The following CORO1C variants were observed in gnomAD, a reference collection of about 807,000 sequenced individuals.
The protein encoded by CORO1C is coronin 1C, also known as coronin-1C.
In CORO1C, 14 loss-of-function variants were observed where a neutral mutation model predicts 51.2. The observed-to-expected ratio is 0.27, with a 90% CI of 0.18 to 0.43. The LOEUF is 0.43. Among genes scored for constraint, CORO1C ranks in the 20% least tolerant of loss-of-function variants. The pLI is 1.00. For synonymous variants in CORO1C, 181 were observed against 210.5 expected (o/e 0.86, Z 1.21); for missense variants, 417 against 607.8 (o/e 0.69, Z 3.30).
chr12:108,713,363 G>A (rs1456132766), intron 1 of CORO1C, among the ~76,000 whole-genome samples: 4 of 152,118 alleles, frequency 2.6e-5, no homozygotes, highest in Non-Finnish European at 5.9e-5. Context: ...ATAACACCAG[G>A]AATGGTAAAA....
chr12:108,686,918 AG>A (rs576574007), intron 2 of CORO1C, among the ~76,000 whole-genome samples: 62 of 152,344 alleles, frequency 4.1e-4, no homozygotes, highest in African/African-American at 1.5e-3. Context: ...CACAAGGGAG[AG>A]GTGTAATGGC....
chr12:108,666,887 A>C (rs1302930131), intron 3 of CORO1C, among the ~76,000 whole-genome samples: 1 of 152,146 alleles, frequency 6.6e-6, no homozygotes. Flanking sequence ...GGAGAAGAGC[A>C]TGGGGCTTTC....
intron 6 of CORO1C, among the ~76,000 whole-genome samples, chr12:108,656,334 G>A (rs1461047649): frequency 1.3e-4 from 6 of 45,202 alleles, no homozygotes; most frequent in African/African-American, 3.8e-4. Context: ...CGGGAGGGAG[G>A]TGGGGGGTCA....
At chr12:108,653,446 T>A (rs1015700340) in intron 7 of CORO1C, among the ~76,000 whole-genome samples, 1 of 152,194 alleles carries the variant, frequency 6.6e-6, no homozygotes, top group Admixed American at 6.5e-5. Flanking sequence ...CAATCAGCTA[T>A]GAAAAGCAAA....
At chr12:108,652,975 AT>A (rs2032751112) in intron 7 of CORO1C, 1 of 152,996 alleles carries the variant, frequency 6.5e-6, no homozygotes, top group Non-Finnish European at 1.5e-5. Flanking sequence ...ATAGTCAGAT[AT>A]CTTTGAGTAC....
At chr12:108,671,198 T>C (rs957272533) in intron 3 of CORO1C, among the ~76,000 whole-genome samples, 2 of 151,764 alleles carry the variant, frequency 1.3e-5, no homozygotes, top group African/African-American at 4.8e-5. Flanking sequence ...TAGCTGGGCA[T>C]GGTGGTGAGT....
chr12:108,702,441 T>C (rs1043045874), intron 1 of CORO1C, among the ~76,000 whole-genome samples: 19 of 152,332 alleles, frequency 1.2e-4, no homozygotes, highest in African/African-American at 3.1e-4. Flanking sequence ...CTAAATCATC[T>C]GATAGACACT....
chr12:108,719,264 C>T (rs1378340714), intron 1 of CORO1C, among the ~76,000 whole-genome samples: 1 of 152,148 alleles, frequency 6.6e-6, no homozygotes, highest in East Asian at 1.9e-4. Context: ...GGCTTCCTAT[C>T]CCTAATACTT....
chr12:108,711,691 A>C (rs1451916337), intron 1 of CORO1C, among the ~76,000 whole-genome samples: 1 of 152,062 alleles, frequency 6.6e-6, no homozygotes, highest in East Asian at 1.9e-4. Context: ...AAAAAAAAAA[A>C]AAAAACTTAT....
chr12:108,693,327 T>C (rs115373766), intron 2 of CORO1C, among the ~76,000 whole-genome samples: 345 of 152,290 alleles, frequency 2.3e-3, no homozygotes, highest in African/African-American at 7.9e-3. Context: ...GAGACACTGT[T>C]CATGAAGGGG....
At chr12:108,720,759 G>A (rs551706578) in intron 1 of CORO1C, among the ~76,000 whole-genome samples, 3 of 151,998 alleles carry the variant, frequency 2.0e-5, no homozygotes, top group South Asian at 4.1e-4. Flanking sequence ...TCCTGACCTC[G>A]TGATCCACCC....
chr12:108,652,176 G>A, intron 8 of CORO1C, 96 bp downstream of exon 8: 2 of 1,156,322 alleles, frequency 1.7e-6, no homozygotes, highest in Non-Finnish European at 2.5e-6. Context: ...AGAATGGTCA[G>A]ATATTTTTGA....
chr12:108,696,001 C>T (rs2034667209), intron 2 of CORO1C, among the ~76,000 whole-genome samples: 1 of 152,008 alleles, frequency 6.6e-6, no homozygotes. Flanking sequence ...TTCCCACACA[C>T]AGCTCCTAAA....
chr12:108,654,981 C>G (rs1302793837), intron 6 of CORO1C, among the ~76,000 whole-genome samples: 1 of 152,188 alleles, frequency 6.6e-6, no homozygotes, highest in Non-Finnish European at 1.5e-5. Flanking sequence ...GCTGGGATTA[C>G]AGGAATGGCC....
rs1031948867 is a variant in CORO1C, at chr12:108,706,267, A to T, written c.-5-4944T>A. On this transcript the variant is annotated intron_variant, in intron 1 of 10. Transcript: ENST00000261401. ...ATGATAAAACACTCAAGAAACTAGG[A>T]ATAGAAGGGAATTTCCTCAACCTGA... 6.6e-5 allele frequency among the ~76,000 whole-genome samples: 10 copies of T among 152,226 alleles called. No individual in the cohort carries two copies. In the South Asian group the frequency reaches 2.1e-3, roughly 32 times the overall value.
At chr12:108,703,632 A>C (rs1333294273) in intron 1 of CORO1C, among the ~76,000 whole-genome samples, 1 of 152,220 alleles carries the variant, frequency 6.6e-6, no homozygotes, top group Non-Finnish European at 1.5e-5. Context: ...TGTGTCTCCA[A>C]AGACAGGGAT....
chr12:108,706,816 G>A lies in CORO1C; in HGVS notation c.-5-5493C>T, dbSNP rs560607984. On this transcript the variant is annotated intron_variant, in intron 1 of 10. Transcript: ENST00000261401. ...TCAGACTGGTCTCGAACTCTTGACC[G>A]CAGGTGATCCTCCTGTCTTGGCCTC... Among the ~76,000 whole-genome samples, 149 of 152,142 alleles carry A rather than the reference G, an allele frequency of 9.8e-4. 1 individual carries two copies. The highest frequency in any genetic ancestry group is 3.5e-3 in the Admixed American group (54 of 15,268).
intron 3 of CORO1C, among the ~76,000 whole-genome samples, chr12:108,672,186 G>A (rs1438064520): frequency 1.3e-5 from 2 of 152,218 alleles, no homozygotes; most frequent in African/African-American, 4.8e-5. Flanking sequence ...CCAAGAACAA[G>A]CTTCGGATGA....
At chr12:108,676,703 T>C (rs1240261642) in intron 3 of CORO1C, among the ~76,000 whole-genome samples, 1 of 147,908 alleles carries the variant, frequency 6.8e-6, no homozygotes, top group Admixed American at 6.8e-5. Context: ...ACCTGGGAGG[T>C]AGAGGTTGCA....
Sources: allele counts gnomAD v4.1 joint callset (sites outside exome capture counted in the v4.1 genomes callset), GRCh38; gene constraint gnomAD v4.1.1; transcripts MANE v1.5; gene names NCBI Gene and HGNC (gene_info 2026-07-23, HGNC 2026-07-21).